Variants in BRD10 observed in about 807,000 individuals in gnomAD.
BRD10 encodes uncharacterized bromodomain-containing protein 10.
At chr9:5,896,490 G>A in the BRD10 span, among the ~76,000 whole-genome samples, 1 of 152,224 alleles carries the variant, frequency 6.6e-6, no homozygotes, top group African/African-American at 2.4e-5. Context: ...CCTTGAGACA[G>A]AAGTTGTCCA....
At chr9:5,975,622 T>A in the BRD10 span, among the ~76,000 whole-genome samples, 1 of 151,952 alleles carries the variant, frequency 6.6e-6, no homozygotes, top group Admixed American at 6.6e-5. Context: ...AGAATGCGAT[T>A]TATGACAGAT....
chr9:5,968,437 A>G, the BRD10 span: 19 of 1,612,904 alleles, frequency 1.2e-5, no homozygotes, highest in Non-Finnish European at 1.5e-5. Flanking sequence ...CAAAGCCAGT[A>G]ACTTCCCCTG....
the BRD10 span, chr9:5,954,236 A>G: frequency 1.6e-6 from 1 of 608,150 alleles, no homozygotes; most frequent in Admixed American, 3.0e-5. Context: ...ATGAATCAAA[A>G]CAAGCCCCAG....
the BRD10 span, chr9:6,008,230 C>T: frequency 3.1e-6 from 3 of 980,372 alleles, no homozygotes; most frequent in Non-Finnish European, 3.6e-6. Context: ...GGGGCCGCAG[C>T]GGCGGCTCCG....
chr9:5,949,086 G>T, the BRD10 span, among the ~76,000 whole-genome samples: 2 of 152,082 alleles, frequency 1.3e-5, no homozygotes, highest in East Asian at 3.9e-4. Flanking sequence ...ATTTTAAGGG[G>T]GAAGAACTCC....
chr9:5,894,125 A>G, the BRD10 span, among the ~76,000 whole-genome samples: 1 of 152,156 alleles, frequency 6.6e-6, no homozygotes. The surrounding 1 kb of genome is among the most constrained non-coding windows in gnomAD (Gnocchi z 4.0). Context: ...AGGCTAGGGC[A>G]GAGGTCAGTA....
At chr9:5,922,326 T>C in the BRD10 span, 1 of 1,613,990 alleles carries the variant, frequency 6.2e-7, no homozygotes, top group African/African-American at 1.3e-5. Flanking sequence ...GGTGAAGCAC[T>C]GGGCAAGGAG....
chr9:5,998,947 T>G, the BRD10 span, among the ~76,000 whole-genome samples: 1 of 152,038 alleles, frequency 6.6e-6, no homozygotes, highest in Non-Finnish European at 1.5e-5. Context: ...TAATAGTTTT[T>G]AAATACCTTC....
chr9:5,887,477 C>T, the BRD10 span, among the ~76,000 whole-genome samples: 12 of 152,286 alleles, frequency 7.9e-5, no homozygotes, highest in South Asian at 8.3e-4. Flanking sequence ...GGAACTTCAC[C>T]TTGCCCTGAG....
the BRD10 span, among the ~76,000 whole-genome samples, chr9:5,990,522 A>G: frequency 2.6e-5 from 4 of 152,236 alleles, no homozygotes; most frequent in African/African-American, 9.6e-5. Flanking sequence ...CTTTAATTTC[A>G]GTTTTATAAG....
At chr9:5,943,689 G>A in the BRD10 span, among the ~76,000 whole-genome samples, 3 of 152,012 alleles carry the variant, frequency 2.0e-5, no homozygotes, top group Non-Finnish European at 4.4e-5. Flanking sequence ...AAGTGTATAC[G>A]TATAAAAATA....
the BRD10 span, chr9:6,007,810 CG>C: frequency 6.9e-7 from 1 of 1,447,010 alleles, no homozygotes; most frequent in Non-Finnish European, 9.0e-7. Flanking sequence ...CTAGGCTGGG[CG>C]GTGTGGAACA....
the BRD10 span, chr9:5,929,088 C>A: frequency 6.2e-7 from 1 of 1,607,448 alleles, no homozygotes; most frequent in Non-Finnish European, 8.5e-7. Flanking sequence ...CCCATGGCAG[C>A]AATTCATTTA....
At chr9:5,924,879 A>G in the BRD10 span, 58 of 1,330,906 alleles carry the variant, frequency 4.4e-5, no homozygotes, top group Non-Finnish European at 5.4e-5. Flanking sequence ...TAAATAATAC[A>G]TATGATTTAA....
the BRD10 span, among the ~76,000 whole-genome samples, chr9:5,886,282 C>T: frequency 6.6e-6 from 1 of 152,158 alleles, no homozygotes; most frequent in Non-Finnish European, 1.5e-5. Flanking sequence ...GTGGCCAAGC[C>T]CACTAGGTGG....
At chr9:5,919,583 C>CACA in the BRD10 span, 2 of 1,025,320 alleles carry the variant, frequency 2.0e-6, no homozygotes, top group Admixed American at 2.8e-5. Flanking sequence ...CACACACACA[C>CACA]AATGTATAGT....
At chr9:5,961,336 A>G in the BRD10 span, among the ~76,000 whole-genome samples, 3 of 152,204 alleles carry the variant, frequency 2.0e-5, no homozygotes, top group East Asian at 5.8e-4. Flanking sequence ...ATAAAAGAAT[A>G]AACATTTACT....
the BRD10 span, chr9:6,008,005 A>G: frequency 2.4e-6 from 3 of 1,261,472 alleles, no homozygotes; most frequent in Non-Finnish European, 3.0e-6. Flanking sequence ...GGGGGGAGAG[A>G]AGAGGAGAGC....
At chr9:5,885,150 C>A in the BRD10 span, among the ~76,000 whole-genome samples, 1 of 152,196 alleles carries the variant, frequency 6.6e-6, no homozygotes, top group Non-Finnish European at 1.5e-5. Flanking sequence ...CTCTACCTCG[C>A]CACTATCCCC....
Sources: gnomAD v4.1 joint callset for allele counts (sites outside exome capture counted in the v4.1 genomes callset) on GRCh38, gnomAD v4.1.1 for gene constraint, Gnocchi (gnomAD v3.1) non-coding constraint, MANE v1.5 for transcripts, NCBI Gene and HGNC (gene_info 2026-07-23, HGNC 2026-07-21) for gene names.